HS3ST4: variants seen among roughly 807,000 people sequenced by gnomAD.
HS3ST4 encodes the protein heparan sulfate-glucosamine 3-sulfotransferase 4, also known as heparan sulfate glucosamine 3-O-sulfotransferase 4.
Under a neutral mutation model 29.2 loss-of-function variants are expected in HS3ST4, and 17 were observed. The observed-to-expected ratio is 0.58, with a 90% confidence interval of 0.40 to 0.87. The LOEUF is 0.87. Among genes scored for constraint, HS3ST4 ranks in the 40% least tolerant of loss-of-function variants. The pLI is 0.00. For missense variants in HS3ST4, 627 were observed against 634.5 expected, an observed-to-expected ratio of 0.99 and a Z score of 0.13; for synonymous variants, 314 against 285.7, an observed-to-expected ratio of 1.10 and a Z score of -1.00.
At chr16:25,895,568 C>G (rs1596606106) in intron 1 of HS3ST4, among the ~76,000 whole-genome samples, 2 of 152,098 alleles carry the variant, frequency 1.3e-5, no homozygotes, top group South Asian at 4.2e-4. Flanking sequence ...GCTGCTGTAA[C>G]TGGATGCTGT....
chr16:26,115,318 A>C (rs1899188221), intron 1 of HS3ST4, among the ~76,000 whole-genome samples: 1 of 146,162 alleles, frequency 6.8e-6, no homozygotes, highest in Non-Finnish European at 1.5e-5. Flanking sequence ...TGTTTCAGAA[A>C]GATGCCAACA....
At position 26,002,846 on chromosome 16, in the gene HS3ST4, G is replaced by A. The variant is rs187022474; in HGVS notation, c.735-132766G>A. On this transcript the variant is annotated intron_variant, in intron 1 of 1. Transcript: ENST00000331351. ...AGAAAGAAAATGTAGATTTTAGAAA[G>A]AGCACAAAGTTTGAGTTATTCAATA... Among the ~76,000 whole-genome samples the A allele has an allele frequency of 2.0e-5, 3 of 151,632 alleles. 1 individual carries two copies. The South Asian group carries it at 6.2e-4, about 32-fold the overall frequency.
At chr16:25,776,560 C>G (rs1482615132) in intron 1 of HS3ST4, among the ~76,000 whole-genome samples, 1 of 152,170 alleles carries the variant, frequency 6.6e-6, no homozygotes, top group Non-Finnish European at 1.5e-5. Flanking sequence ...GTTGTTAGGA[C>G]CTCCTGAGGC....
intron 1 of HS3ST4, among the ~76,000 whole-genome samples, chr16:26,117,129 G>A (rs150577244): frequency 3.3e-5 from 5 of 152,186 alleles, no homozygotes; most frequent in Admixed American, 6.5e-5. Context: ...CATCACATAC[G>A]TATTGAGTTA....
At chr16:25,992,872 T>C (rs1400817302) in intron 1 of HS3ST4, among the ~76,000 whole-genome samples, 1 of 152,238 alleles carries the variant, frequency 6.6e-6, no homozygotes. Context: ...GTAATTTTGC[T>C]CCAGCTTTGG....
intron 1 of HS3ST4, among the ~76,000 whole-genome samples, chr16:26,113,844 C>G (rs555828756): frequency 1.3e-5 from 2 of 151,970 alleles, no homozygotes; most frequent in Non-Finnish European, 2.9e-5. Flanking sequence ...AAGATAGATG[C>G]AATGGTAGTA....
At chr16:25,974,029 A>C (rs1454058566) in intron 1 of HS3ST4, among the ~76,000 whole-genome samples, 2 of 152,194 alleles carry the variant, frequency 1.3e-5, no homozygotes, top group Admixed American at 1.3e-4. Flanking sequence ...AAGCAGGGGC[A>C]GGTCACACTT....
chr16:26,014,102 G>T (rs544463130), intron 1 of HS3ST4, among the ~76,000 whole-genome samples: 7 of 151,680 alleles, frequency 4.6e-5, no homozygotes, highest in African/African-American at 1.5e-4. Context: ...TTTCTCTTCC[G>T]CTATTTTGCT....
At chr16:25,923,857 A>G (rs7191562) in intron 1 of HS3ST4, among the ~76,000 whole-genome samples, 2,289 of 152,228 alleles carry the variant, frequency 0.015, 74 homozygotes, top group African/African-American at 0.053. Flanking sequence ...TGTAACATCC[A>G]TCATGCTTAA....
intron 1 of HS3ST4, among the ~76,000 whole-genome samples, chr16:26,090,200 G>A (rs2141788767): frequency 6.6e-6 from 1 of 152,080 alleles, no homozygotes; most frequent in Admixed American, 6.6e-5. Context: ...ACTTTCCCAA[G>A]ATTACACAAC....
intron 1 of HS3ST4, among the ~76,000 whole-genome samples, chr16:26,107,499 T>C (rs1291917987): frequency 6.6e-6 from 1 of 152,210 alleles, no homozygotes; most frequent in East Asian, 1.9e-4. Context: ...ACTGGAGTAG[T>C]GTATATTGTA....
chr16:25,907,337 A>C (rs1243764923), intron 1 of HS3ST4, among the ~76,000 whole-genome samples: 1 of 152,176 alleles, frequency 6.6e-6, no homozygotes, highest in East Asian at 1.9e-4. Flanking sequence ...CTTAGTGATT[A>C]AATGGTGACA....
intron 1 of HS3ST4, among the ~76,000 whole-genome samples, chr16:25,708,735 T>A (rs1325642655): frequency 1.3e-5 from 2 of 152,190 alleles, no homozygotes. Context: ...TCTTCTGTAT[T>A]TATGGGTTCT....
At chr16:26,100,000 G>C (rs546943306) in intron 1 of HS3ST4, among the ~76,000 whole-genome samples, 1 of 152,110 alleles carries the variant, frequency 6.6e-6, no homozygotes, top group Non-Finnish European at 1.5e-5. Context: ...CTGGAGGAAG[G>C]GTCTTCTCAT....
chr16:25,832,364 AGGCTAGGGCCCCACT>A (rs1685246492), intron 1 of HS3ST4, among the ~76,000 whole-genome samples: 1 of 152,180 alleles, frequency 6.6e-6, no homozygotes, highest in South Asian at 2.1e-4. Flanking sequence ...GCTGGCGGAG[AGGCTAGGGCCCCACT>A]GGCTCAGAGC....
At chr16:25,944,530 G>A (rs1179470838) in intron 1 of HS3ST4, among the ~76,000 whole-genome samples, 1 of 152,172 alleles carries the variant, frequency 6.6e-6, no homozygotes, top group Non-Finnish European at 1.5e-5. Context: ...AATGAGCTGG[G>A]TTAAGTTAAG....
At chr16:25,913,823 G>A (rs1007229232) in intron 1 of HS3ST4, among the ~76,000 whole-genome samples, 6 of 147,950 alleles carry the variant, frequency 4.1e-5, no homozygotes, top group Admixed American at 6.7e-5. Flanking sequence ...GTGTGTGCAC[G>A]GGGGAGGTGT....
chr16:25,985,461 G>C (rs1969052401), intron 1 of HS3ST4, among the ~76,000 whole-genome samples: 1 of 152,130 alleles, frequency 6.6e-6, no homozygotes, highest in South Asian at 2.1e-4. Flanking sequence ...CACAAACTTG[G>C]TAATGGTGGA....
At chr16:25,798,143 A>G (rs1193589260) in intron 1 of HS3ST4, among the ~76,000 whole-genome samples, 1 of 152,204 alleles carries the variant, frequency 6.6e-6, no homozygotes, top group Non-Finnish European at 1.5e-5. Context: ...CCAAGGAGAA[A>G]GATGCACTCA....
Sources: gnomAD v4.1 joint callset for allele counts (sites outside exome capture counted in the v4.1 genomes callset) on GRCh38, gnomAD v4.1.1 for gene constraint, MANE v1.5 for transcripts, NCBI Gene and HGNC (gene_info 2026-07-23, HGNC 2026-07-21) for gene names.